Variants in ZNF407 observed in about 807,000 individuals in gnomAD.
The protein encoded by ZNF407 is zinc finger protein 407.
ZNF407 carries 17 observed loss-of-function variants against 131.2 expected under a neutral mutation model. The ratio of observed to expected loss-of-function variants is 0.13; its 90% CI spans 0.09 to 0.19. The LOEUF (loss-of-function observed/expected upper bound fraction) is 0.19. Among genes scored for constraint, ZNF407 ranks in the 10% least tolerant of loss-of-function variants. The pLI is 1.00. For synonymous variants in ZNF407, 1,156 were observed against 1,062.0 expected (o/e 1.09, Z -1.72); for missense variants, 2,681 against 2,830.6 (o/e 0.95, Z 1.20).
chr18:74,622,191 C>A (rs1983541066), intron 1 of ZNF407, among the ~76,000 whole-genome samples: 1 of 152,100 alleles, frequency 6.6e-6, no homozygotes, highest in Admixed American at 6.5e-5. Context: ...TAGTTACCCT[C>A]AGATTGTGCA....
At chr18:74,810,019 G>C (rs965731212) in intron 4 of ZNF407, among the ~76,000 whole-genome samples, 1 of 152,188 alleles carries the variant, frequency 6.6e-6, no homozygotes. Flanking sequence ...AACTCATTTT[G>C]AGCAGTCTTT....
intron 8 of ZNF407, among the ~76,000 whole-genome samples, chr18:74,926,254 T>A (rs1470414394): frequency 6.6e-6 from 1 of 152,216 alleles, no homozygotes; most frequent in African/African-American, 2.4e-5. Flanking sequence ...CTCATTCCTG[T>A]TGGAATTCCT....
rs748487101 is a variant in ZNF407 at position 75,063,106 on chromosome 18, A to G, written c.5429-44A>G. The G allele has an allele frequency of 6.6e-7, 1 of 1,504,714 alleles. No individual in the cohort carries two copies. The highest frequency in any genetic ancestry group is 1.4e-5 in the African/African-American group (1 of 71,468). 93.2% of individuals were successfully genotyped at this position (1,504,714 alleles called of 1,614,324 possible). ...GAAGAAGTGTCTTACTTGTAAGCCTACGAGTACTTTTTCCAGGCTCTAACT... is the reference window on the plus strand; with the variant it reads ...GAAGAAGTGTCTTACTTGTAAGCCTGCGAGTACTTTTTCCAGGCTCTAACT... On this transcript the variant is annotated intron_variant, in intron 8 of 8. Coordinates refer to ENST00000299687, the MANE Select transcript of ZNF407 (RefSeq NM_017757.3). This position sits in a 1 kb window ranked among gnomAD's most constrained non-coding sequence, Gnocchi z 6.6.
chr18:74,714,160 C>G (rs1967836159), intron 3 of ZNF407, among the ~76,000 whole-genome samples: 1 of 152,122 alleles, frequency 6.6e-6, no homozygotes, highest in South Asian at 2.1e-4. Context: ...ATTTTCTTGC[C>G]TCTTTTTAAT....
At chr18:74,694,598 A>AT (rs1967308327) in intron 3 of ZNF407, among the ~76,000 whole-genome samples, 1 of 151,842 alleles carries the variant, frequency 6.6e-6, no homozygotes, top group African/African-American at 2.4e-5. Context: ...CAACTGATTC[A>AT]TTTTTGTCAC....
At chr18:74,723,834 G>A (rs1157860153) in intron 3 of ZNF407, among the ~76,000 whole-genome samples, 1 of 146,066 alleles carries the variant, frequency 6.8e-6, no homozygotes, top group East Asian at 2.1e-4. Flanking sequence ...TTGCTTCATG[G>A]TTTGGTTCTA....
chr18:75,043,805 G>A (rs1973401234), intron 8 of ZNF407, among the ~76,000 whole-genome samples: 1 of 152,150 alleles, frequency 6.6e-6, no homozygotes. Context: ...AAAGAGTCCT[G>A]CATTACAGGG....
At chr18:74,921,092 T>C (rs1442019039) in intron 8 of ZNF407, 1 of 837,638 alleles carries the variant, frequency 1.2e-6, no homozygotes, top group Admixed American at 6.2e-5. Context: ...CATCATCTTC[T>C]AGTGAATGCC....
intron 8 of ZNF407, among the ~76,000 whole-genome samples, chr18:74,934,938 T>C (rs180791378): frequency 6.6e-6 from 1 of 152,350 alleles, no homozygotes; most frequent in East Asian, 1.9e-4. Flanking sequence ...TAGTAAAATA[T>C]ATAACTGAAA....
At chr18:75,053,226 G>C (rs564101239) in intron 8 of ZNF407, among the ~76,000 whole-genome samples, 1 of 152,300 alleles carries the variant, frequency 6.6e-6, no homozygotes, top group African/African-American at 2.4e-5. Context: ...CTTAGTGCCG[G>C]CCGCACCCAG....
intron 7 of ZNF407, chr18:74,897,930 A>G (rs1331011270): frequency 3.3e-5 from 5 of 152,240 alleles, no homozygotes; most frequent in African/African-American, 1.2e-4. Flanking sequence ...TTTGAAGTAT[A>G]TAAAAGTTTG....
chr18:74,688,024 T>C (rs1295271254), intron 3 of ZNF407, among the ~76,000 whole-genome samples: 4 of 152,204 alleles, frequency 2.6e-5, no homozygotes, highest in Non-Finnish European at 4.4e-5. Flanking sequence ...ACCTGCACTT[T>C]AGTAAATTCT....
Position 74,631,434 on chromosome 18 carries a change from A to G in ZNF407, c.415A>G (p.Thr139Ala), listed in dbSNP as rs1395959772. The change falls in exon 2 of 9, where the codon ACT (threonine) becomes GCT (alanine). Residue 139 changes from threonine (T) to alanine (A), a missense_variant. By Grantham distance (58) the Thr-to-Ala change is moderately conservative. Coordinates refer to ENST00000299687, the MANE Select transcript of ZNF407 (RefSeq NM_017757.3). ...NALSPSCNFS[T>A]IDVVSLKTDT... ...CCTCTCCCCTTCTTGCAATTTTAGC[A>G]CTATTGATGTTGTTTCTCTGAAAAC... 2 of 1,613,964 alleles carry G rather than the reference A, an allele frequency of 1.2e-6. No individual in the cohort carries two copies. Among genetic ancestry groups the G allele is most frequent in the Non-Finnish European group, 1.7e-6 (2 of 1,179,882 alleles).
intron 4 of ZNF407, among the ~76,000 whole-genome samples, chr18:74,783,907 GT>G (rs1190980619): frequency 6.6e-6 from 1 of 152,128 alleles, no homozygotes; most frequent in East Asian, 1.9e-4. Context: ...ACTCTCTCCT[GT>G]TACAGAGAAA....
chr18:74,627,686 C>G (rs186869639), intron 1 of ZNF407, among the ~76,000 whole-genome samples: 3 of 152,236 alleles, frequency 2.0e-5, no homozygotes, highest in Admixed American at 2.0e-4. Context: ...TCTTTATAAA[C>G]AAAGCGTTCT....
intron 3 of ZNF407, among the ~76,000 whole-genome samples, chr18:74,663,559 C>T (rs909397804): frequency 6.6e-6 from 1 of 152,152 alleles, no homozygotes; most frequent in African/African-American, 2.4e-5. Flanking sequence ...CCACATATTA[C>T]GTGTGGGGAA....
chr18:74,793,072 A>G (rs912189891), intron 4 of ZNF407, among the ~76,000 whole-genome samples: 1 of 152,246 alleles, frequency 6.6e-6, no homozygotes, highest in African/African-American at 2.4e-5. Flanking sequence ...GGGCGTGTTC[A>G]GAGACCACTG....
chr18:74,769,719 G>A (rs977341663), intron 3 of ZNF407, among the ~76,000 whole-genome samples: 5 of 152,216 alleles, frequency 3.3e-5, no homozygotes, highest in East Asian at 1.9e-4. Context: ...GGATGCAAGC[G>A]CCTAGACTAG....
At chr18:74,882,233 A>T (rs1971248732) in intron 6 of ZNF407, among the ~76,000 whole-genome samples, 1 of 152,210 alleles carries the variant, frequency 6.6e-6, no homozygotes, top group South Asian at 2.1e-4. Flanking sequence ...TTATTTTCAT[A>T]ATACTAATTT....
Sources: gnomAD v4.1 joint callset for allele counts (sites outside exome capture counted in the v4.1 genomes callset) on GRCh38, gnomAD v4.1.1 for gene constraint, Gnocchi (gnomAD v3.1) non-coding constraint, MANE v1.5 for transcripts, NCBI Gene and HGNC (gene_info 2026-07-23, HGNC 2026-07-21) for gene names.